The following TENM2 variants were observed in gnomAD, a reference collection of about 807,000 sequenced individuals.
The protein encoded by TENM2 is teneurin transmembrane protein 2, also known as teneurin-2.
Under a neutral mutation model 245.2 loss-of-function variants are expected in TENM2, and 52 were observed. The ratio of observed to expected loss-of-function variants is 0.21; its 90% CI spans 0.17 to 0.27. The LOEUF is 0.27. TENM2 is among the 10% of genes least tolerant of loss of function. The probability of loss-of-function intolerance (pLI) is 1.00; values close to 1 mark genes in which losing one functional copy is unlikely to be tolerated. For missense variants in TENM2, 3,046 were observed against 3,666.8 expected, an observed-to-expected ratio of 0.83 and a Z score of 4.37; for synonymous variants, 1,363 against 1,438.9, an observed-to-expected ratio of 0.95 and a Z score of 1.19.
rs554340906 is a variant in TENM2, at chr5:167,811,079, T to G, written c.503-64907T>G. Among the ~76,000 whole-genome samples, 118 of 152,232 alleles carry G rather than the reference T, an allele frequency of 7.8e-4. 1 individual carries two copies. Among genetic ancestry groups the G allele is most frequent in the East Asian group, 9.7e-4 (5 of 5,154 alleles). On this transcript the variant is annotated intron_variant, in intron 2 of 28. Transcript: ENST00000518659. ...AAGAATCTTACTCCAAATTTTTGCA[T>G]GATATATCGCTGCAAGGAGGAAGTA...
chr5:167,123,934 T>G, the TENM2 span, among the ~76,000 whole-genome samples: 55 of 152,368 alleles, frequency 3.6e-4, no homozygotes, highest in Middle Eastern at 3.4e-3. Context: ...TTTAAAGAAC[T>G]TCTAACTCTA....
chr5:168,157,412 G>T (rs1418858287), intron 12 of TENM2, among the ~76,000 whole-genome samples: 1 of 152,176 alleles, frequency 6.6e-6, no homozygotes, highest in Non-Finnish European at 1.5e-5. Context: ...TGTGAGACAT[G>T]GATGATGGTA....
chr5:168,067,836 G>A (rs1237466046), intron 7 of TENM2, among the ~76,000 whole-genome samples: 2 of 152,172 alleles, frequency 1.3e-5, no homozygotes, highest in Non-Finnish European at 2.9e-5. Context: ...CAATGCCAGG[G>A]TTTGGCTGTC....
At chr5:167,366,659 G>T (rs1276226504) in intron 1 of TENM2, among the ~76,000 whole-genome samples, 1 of 152,134 alleles carries the variant, frequency 6.6e-6, no homozygotes, top group Non-Finnish European at 1.5e-5. Context: ...TTGTAGGGCT[G>T]CTTTTTTAAT....
intron 2 of TENM2, among the ~76,000 whole-genome samples, chr5:167,666,588 A>G (rs1412657183): frequency 6.6e-6 from 1 of 152,192 alleles, no homozygotes; most frequent in Non-Finnish European, 1.5e-5. Context: ...GTTGGCTGAG[A>G]TCACTCAAGG....
intron 1 of TENM2, among the ~76,000 whole-genome samples, chr5:167,366,606 C>G (rs1327407602): frequency 6.6e-6 from 1 of 152,164 alleles, no homozygotes; most frequent in African/African-American, 2.4e-5. Context: ...AACAGACATT[C>G]TAACTCCTGA....
the TENM2 span, among the ~76,000 whole-genome samples, chr5:167,099,710 C>CAAAACA: frequency 3.6e-4 from 55 of 152,160 alleles, no homozygotes; most frequent in South Asian, 8.3e-4. Context: ...CAAAACAAAA[C>CAAAACA]AAAACAAAAA....
intron 2 of TENM2, among the ~76,000 whole-genome samples, chr5:167,663,161 AG>A (rs2150328670): frequency 6.7e-6 from 1 of 149,946 alleles, no homozygotes; most frequent in African/African-American, 2.5e-5. Context: ...AGAGAGAGAG[AG>A]AGAGAGAGAG....
intron 25 of TENM2, among the ~76,000 whole-genome samples, chr5:168,233,720 A>G (rs558850428): frequency 6.6e-6 from 1 of 152,344 alleles, no homozygotes; most frequent in East Asian, 1.9e-4. Flanking sequence ...AGACATACCC[A>G]AGACTGGGAA....
intron 3 of TENM2, among the ~76,000 whole-genome samples, chr5:167,932,371 C>G (rs1392549192): frequency 6.6e-6 from 1 of 152,214 alleles, no homozygotes; most frequent in South Asian, 2.1e-4. Flanking sequence ...ATTAATTATT[C>G]AGGGTCTTCT....
intron 2 of TENM2, among the ~76,000 whole-genome samples, chr5:167,495,422 C>A (rs1318588419): frequency 6.6e-6 from 1 of 151,918 alleles, no homozygotes; most frequent in Non-Finnish European, 1.5e-5. Context: ...AAGGGTTGAA[C>A]AAGAGTAGTG....
chr5:167,952,490 C>T, intron 3 of TENM2, 98 bp from the exon 6 acceptor site: 1 of 1,021,186 alleles, frequency 9.8e-7, no homozygotes, highest in Non-Finnish European at 1.5e-6. Context: ...CAATTGTCAG[C>T]TTAGAGACTT....
chr5:167,965,742 T>C (rs993230324), intron 4 of TENM2, among the ~76,000 whole-genome samples: 1 of 152,214 alleles, frequency 6.6e-6, no homozygotes, highest in African/African-American at 2.4e-5. Flanking sequence ...TTGTTAGGTA[T>C]ATGTTACTAT....
chr5:167,238,058 A>G, the TENM2 span, among the ~76,000 whole-genome samples: 1 of 150,514 alleles, frequency 6.6e-6, no homozygotes, highest in African/African-American at 2.4e-5. Flanking sequence ...CCAACTCTCC[A>G]GCTCAGAATG....
chr5:167,490,385 AAT>A (rs1239135850), intron 2 of TENM2, among the ~76,000 whole-genome samples: 3 of 146,190 alleles, frequency 2.1e-5, no homozygotes, highest in Non-Finnish European at 3.0e-5. Flanking sequence ...TATTAATATC[AAT>A]ATGTTACTAC....
At chr5:167,602,163 T>C (rs1483190894) in intron 2 of TENM2, among the ~76,000 whole-genome samples, 1 of 152,214 alleles carries the variant, frequency 6.6e-6, no homozygotes, top group Admixed American at 6.5e-5. Flanking sequence ...TCCTTTCCCC[T>C]GCAGGTTTGT....
At chr5:167,101,966 C>A in the TENM2 span, among the ~76,000 whole-genome samples, 1 of 137,466 alleles carries the variant, frequency 7.3e-6, no homozygotes, top group Non-Finnish European at 1.5e-5. Flanking sequence ...TGGATCATGC[C>A]TGTAATCTCA....
At chr5:167,891,108 A>G (rs894349954) in intron 3 of TENM2, among the ~76,000 whole-genome samples, 2 of 152,124 alleles carry the variant, frequency 1.3e-5, no homozygotes, top group African/African-American at 4.8e-5. Context: ...CTACCTATTC[A>G]CATGTATTTA....
At chr5:168,250,328 C>A (rs1767009314) in intron 27 of TENM2, among the ~76,000 whole-genome samples, 2 of 152,072 alleles carry the variant, frequency 1.3e-5, no homozygotes, top group African/African-American at 4.8e-5. Flanking sequence ...GAGACCAGGG[C>A]CCCAAAGGGC....
Sources: gnomAD v4.1 joint callset for allele counts (sites outside exome capture counted in the v4.1 genomes callset) on GRCh38, gnomAD v4.1.1 for gene constraint, MANE v1.5 for transcripts, NCBI Gene and HGNC (gene_info 2026-07-23, HGNC 2026-07-21) for gene names.